GNPDA2: variants seen among roughly 807,000 people sequenced by gnomAD.
GNPDA2 encodes glcN6P deaminase 2.
Under a neutral mutation model 27.0 loss-of-function variants are expected in GNPDA2, and 24 were observed. The ratio of observed to expected loss-of-function variants is 0.89; its 90% CI spans 0.64 to 1.25. The LOEUF is 1.25. GNPDA2 is among the 50% of genes most tolerant of loss of function. The probability of loss-of-function intolerance (pLI) is 0.00; values close to 1 mark genes in which losing one functional copy is unlikely to be tolerated. For synonymous variants in GNPDA2, 94 were observed against 108.4 expected, an observed-to-expected ratio of 0.87 and a Z score of 0.83; for missense variants, 286 against 335.1, an observed-to-expected ratio of 0.85 and a Z score of 1.14.
rs376559875 is a variant in GNPDA2 at position 44,707,751 on chromosome 4, C to A, written c.769+1G>T. On this transcript the variant is annotated splice_donor_variant, in intron 6 of 6. Transcript: ENST00000295448. LOFTEE classifies it high-confidence loss of function. ...GTCGGCTTTTGAAATTCAGTGCTCA[C>A]CTTTAAAGTATTTCACAGTTTTAAC... 1 of 1,611,516 alleles carries A rather than the reference C, an allele frequency of 6.2e-7. No homozygotes were observed. The highest frequency in any genetic ancestry group is 1.1e-5 in the South Asian group (1 of 90,880).
At chr4:44,724,587 G>C (rs1388536012) in intron 1 of GNPDA2, among the ~76,000 whole-genome samples, 4 of 151,996 alleles carry the variant, frequency 2.6e-5, no homozygotes, top group African/African-American at 9.7e-5. Context: ...ATATTAAATG[G>C]ATCAGTCACC....
chr4:44,707,841 G>C lies in GNPDA2; in HGVS notation c.680C>G (p.Ser227Cys), dbSNP rs749014155. 16 of 1,613,248 alleles carry C rather than the reference G, an allele frequency of 9.9e-6. No homozygotes were observed. In the East Asian group the frequency reaches 3.6e-4, roughly 36 times the overall value. ...EEGVNHMWTV[S>C]AFQQHPRTIF... ...AGTCCGGGGATGCTGCTGGAAAGCG[G>C]AAACAGTCCACATGTGATTGACTCC... The change falls in exon 6 of 7, where the codon TCC (serine) becomes TGC (cysteine). Residue 227 changes from serine to cysteine, a missense_variant. Physicochemically the swap from Ser to Cys is moderately radical, Grantham distance 112 (BLOSUM62 -1). Coordinates refer to ENST00000295448, the MANE Select transcript of GNPDA2 (RefSeq NM_138335.3).
chr4:44,713,119 C>T (rs1405755600), intron 4 of GNPDA2, among the ~76,000 whole-genome samples: 1 of 152,146 alleles, frequency 6.6e-6, no homozygotes, highest in Non-Finnish European at 1.5e-5. Context: ...TTGGTCAGCT[C>T]GGTATAGTTT....
chr4:44,701,958 C>A lies in GNPDA2; in HGVS notation c.*1123G>T. 1 of 984,846 alleles carries A rather than the reference C, an allele frequency of 1.0e-6. No homozygotes were observed. The highest frequency in any genetic ancestry group is 1.2e-6 in the Non-Finnish European group (1 of 829,566). The allele number at this position is 984,846 out of a possible 1,614,324, so 61.0% of individuals were successfully genotyped here. A position where few individuals can be genotyped will look rare whatever the true frequency, so the allele number is the denominator to read the frequency against. Reference sequence around the variant, plus strand: ...AAGCAGATAAGTAAGGCTTCTTCTACCAGGTGGGCTTATGAAATGCAAAAT... The same window carrying A: ...AAGCAGATAAGTAAGGCTTCTTCTAACAGGTGGGCTTATGAAATGCAAAAT... On this transcript the variant is annotated 3_prime_UTR_variant, in exon 7 of 7. Transcript: ENST00000295448.
chr4:44,703,308 C>G (rs1428880417), intron 6 of GNPDA2, 166 bp from the exon 7 acceptor site: 1 of 1,388,132 alleles, frequency 7.2e-7, no homozygotes, highest in East Asian at 2.7e-5. Flanking sequence ...TTCAGAATGT[C>G]TTAAGTTTTA....
chr4:44,724,384 G>A (rs558561314), intron 1 of GNPDA2, among the ~76,000 whole-genome samples: 2 of 152,156 alleles, frequency 1.3e-5, no homozygotes, highest in South Asian at 4.1e-4. Context: ...ATTTTCCTTC[G>A]GGTAGATACC....
intron 4 of GNPDA2, among the ~76,000 whole-genome samples, chr4:44,716,317 T>C (rs1717279309): frequency 6.6e-6 from 1 of 151,952 alleles, no homozygotes; most frequent in East Asian, 1.9e-4. Context: ...AAGTTAATAA[T>C]AAGTTATATA....
In GNPDA2 at chr4:44,710,978, A is replaced by G; in HGVS notation, c.569T>C (p.Val190Ala). ...KVPTMALTVG[V>A]GTVMDAREVM... Reference sequence around the variant, plus strand: ...TTCTCTAGCATCCATCACTGTCCCCACACCAACAGTTAGAGCCATAGTTGG... The same window carrying G: ...TTCTCTAGCATCCATCACTGTCCCCGCACCAACAGTTAGAGCCATAGTTGG... The change falls in exon 5 of 7, where the codon GTG becomes GCG. Residue 190 changes from valine (V) to alanine (A), a missense_variant. Transcript: ENST00000295448. 1 of 1,610,304 alleles carries G rather than the reference A, an allele frequency of 6.2e-7. No individual in the cohort carries two copies. Among genetic ancestry groups the G allele is most frequent in the Non-Finnish European group, 8.5e-7 (1 of 1,178,540 alleles).
intron 6 of GNPDA2, chr4:44,704,323 T>C (rs1716455039): frequency 2.1e-6 from 2 of 969,132 alleles, no homozygotes. Context: ...ATTTAGAAGA[T>C]GCAACATTTT....
intron 4 of GNPDA2, among the ~76,000 whole-genome samples, chr4:44,711,703 A>G (rs755006556): frequency 6.6e-6 from 1 of 151,672 alleles, no homozygotes; most frequent in Non-Finnish European, 1.5e-5. Flanking sequence ...TTCCTCACTT[A>G]TAAAAATGTG....
chr4:44,716,874 G>A lies in GNPDA2; in HGVS notation c.409+239C>T, dbSNP rs936172133. Among the ~76,000 whole-genome samples, 5 of 151,722 alleles carry A rather than the reference G, an allele frequency of 3.3e-5. No individual in the cohort carries two copies. In the East Asian group the frequency reaches 9.6e-4, roughly 29 times the overall value. On this transcript the variant is annotated intron_variant, in intron 4 of 6. Coordinates refer to ENST00000295448, the MANE Select transcript of GNPDA2 (RefSeq NM_138335.3). ...AATTAACAGAGTTTAACGGGGATTG[G>A]GATCTACCTCTCAAGGCATAAGGTA...
intron 4 of GNPDA2, among the ~76,000 whole-genome samples, chr4:44,716,426 A>G (rs1717288501): frequency 6.6e-6 from 1 of 151,940 alleles, no homozygotes; most frequent in Non-Finnish European, 1.5e-5. Flanking sequence ...TCTTATAGCA[A>G]TTAGCTAGCT....
chr4:44,722,316 T>A, intron 1 of GNPDA2, 74 bp from the exon 2 acceptor site: 2 of 1,107,508 alleles, frequency 1.8e-6, no homozygotes, highest in Non-Finnish European at 2.5e-6. Flanking sequence ...TTAAAAGATG[T>A]AAATAATAAA....
Position 44,707,741 on chromosome 4 carries a change from T to C in GNPDA2, c.769+11A>G. 1 of 1,608,848 alleles carries C rather than the reference T, an allele frequency of 6.2e-7. No homozygotes were observed. The highest frequency in any genetic ancestry group is 1.1e-5 in the South Asian group (1 of 90,696). ...GATTATCTCAGTCGGCTTTTGAAAT[T>C]CAGTGCTCACCTTTAAAGTATTTCA... On this transcript the variant is annotated intron_variant, in intron 6 of 6. Transcript: ENST00000295448.
chr4:44,714,157 T>G (rs1717142808), intron 4 of GNPDA2: 1 of 208,668 alleles, frequency 4.8e-6, no homozygotes, highest in African/African-American at 2.4e-5. Flanking sequence ...TTTTTTTTAG[T>G]AGAGACGGGG....
chr4:44,711,215 A>C, intron 4 of GNPDA2, 78 bp from the exon 5 acceptor site: 1 of 840,928 alleles, frequency 1.2e-6, no homozygotes, highest in South Asian at 3.6e-5. Context: ...AAAGAACAAA[A>C]AAAAAATCAC....
intron 2 of GNPDA2, among the ~76,000 whole-genome samples, chr4:44,719,642 G>A (rs558746447): frequency 6.6e-6 from 1 of 152,088 alleles, no homozygotes; most frequent in Non-Finnish European, 1.5e-5. Context: ...CGAAGGATAA[G>A]TGAATCTCTT....
intron 2 of GNPDA2, among the ~76,000 whole-genome samples, chr4:44,721,392 A>G (rs1717658789): frequency 6.6e-6 from 1 of 152,160 alleles, no homozygotes; most frequent in African/African-American, 2.4e-5. Context: ...TCAGGGGTAT[A>G]GAACAAATGC....
At chr4:44,707,969 G>C in intron 5 of GNPDA2, 43 bp from the exon 6 acceptor site, 1 of 1,386,144 alleles carries the variant, frequency 7.2e-7, no homozygotes, top group Non-Finnish European at 9.8e-7. Context: ...TGTTCCAAAT[G>C]AGTAAGAAGC....
Sources: gnomAD v4.1 joint callset for allele counts (sites outside exome capture counted in the v4.1 genomes callset) on GRCh38, gnomAD v4.1.1 for gene constraint, MANE v1.5 for transcripts, NCBI Gene and HGNC (gene_info 2026-07-23, HGNC 2026-07-21) for gene names.